Variants in SLC22A8 observed in about 807,000 individuals in gnomAD.
The protein encoded by SLC22A8 is solute carrier family 22 member 8, also known as organic anion transporter 3.
In SLC22A8, 40 loss-of-function variants were observed where a neutral mutation model predicts 48.4. The ratio of observed to expected loss-of-function variants is 0.83; its 90% CI spans 0.64 to 1.08. The LOEUF is 1.08. Among genes scored for constraint, SLC22A8 ranks in the 50% least tolerant of loss-of-function variants. The pLI, the probability that SLC22A8 is intolerant of heterozygous loss-of-function variation, is 0.00. For synonymous variants in SLC22A8, 268 were observed against 286.3 expected (o/e 0.94, Z 0.65); for missense variants, 606 against 699.0 (o/e 0.87, Z 1.50).
intron 2 of SLC22A8, among the ~76,000 whole-genome samples, chr11:63,008,210 C>T (rs1051572229): frequency 1.3e-5 from 2 of 152,156 alleles, no homozygotes; most frequent in African/African-American, 2.4e-5. Context: ...GAGCATGAGG[C>T]AGAAAGTGGG....
chr11:62,998,138 G>C (rs2135122862), intron 5 of SLC22A8, among the ~76,000 whole-genome samples: 1 of 152,250 alleles, frequency 6.6e-6, no homozygotes, highest in East Asian at 1.9e-4. Flanking sequence ...TTTTAGTAGA[G>C]ATGGGGTTTC....
chr11:63,010,988 T>C (rs549517439), intron 2 of SLC22A8, among the ~76,000 whole-genome samples: 1 of 152,202 alleles, frequency 6.6e-6, no homozygotes, highest in African/African-American at 2.4e-5. Context: ...TCAGTGTTGA[T>C]TGAGCACTTG....
At chr11:62,998,861 G>T in intron 5 of SLC22A8, 60 bp downstream of exon 5, 1 of 1,491,986 alleles carries the variant, frequency 6.7e-7, no homozygotes, top group Middle Eastern at 1.8e-4. Context: ...GCAGGTATGG[G>T]CTCCCCTGTT....
chr11:63,004,631 AG>A (rs1285151651), intron 2 of SLC22A8, among the ~76,000 whole-genome samples: 1 of 152,222 alleles, frequency 6.6e-6, no homozygotes, highest in African/African-American at 2.4e-5. Flanking sequence ...TTTTCTCAGT[AG>A]TGCTTATACC....
At chr11:62,998,666 C>T (rs902621363) in intron 5 of SLC22A8, among the ~76,000 whole-genome samples, 2 of 152,208 alleles carry the variant, frequency 1.3e-5, no homozygotes, top group Non-Finnish European at 2.9e-5. Flanking sequence ...CTCTCCCAGC[C>T]AGTCTCCATC....
At chr11:62,995,978 A>G (rs201917379) in intron 6 of SLC22A8, 51 bp downstream of exon 6, 73 of 1,613,288 alleles carry the variant, frequency 4.5e-5, no homozygotes, top group Non-Finnish European at 5.9e-5. Flanking sequence ...GGGCCAGCCC[A>G]AGAGTGGAGC....
rs187776950 is a variant in SLC22A8 at position 62,999,225 on chromosome 11, G to A, written c.593-136C>T. The A allele has an allele frequency of 1.1e-5, 8 of 720,262 alleles. No homozygotes were observed. In the Admixed American group the frequency reaches 1.7e-4, roughly 16 times the overall value. 44.6% of individuals were successfully genotyped at this position (720,262 alleles called of 1,614,324 possible). On this transcript the variant is annotated intron_variant, in intron 4 of 10. Transcript: ENST00000336232. ...ATGCTGTTGATATCGCCCTCCGTTG[G>A]GTCTTCCTGCTGTTCTGATGCTGAC... is the stretch of plus-strand genomic sequence containing the variant.
chr11:63,015,048 C>G, intron 1 of SLC22A8, 65 bp from the exon 2 acceptor site: 1 of 1,113,646 alleles, frequency 9.0e-7, no homozygotes, highest in African/African-American at 1.6e-5. Context: ...GTCTATGGAA[C>G]GATATGTGGG....
rs368590495 is a variant in SLC22A8 at position 62,994,587 on chromosome 11, G to A, written c.1171C>T (p.Leu391Phe). ...GRHTTQAAAL[L>F]LAGGAILALT... ...GCCAAGATGGCCCCTCCTGCCAGGA[G>A]CAGGGCAGCGGCCTGAGTGGTATGC... The change falls in exon 8 of 11, where the codon CTC becomes TTC. Residue 391 changes from leucine to phenylalanine, a missense_variant. By Grantham distance (22) the Leu-to-Phe change is conservative. Coordinates refer to ENST00000336232, the MANE Select transcript of SLC22A8 (RefSeq NM_004254.4). 11 of 1,613,564 alleles carry A rather than the reference G, an allele frequency of 6.8e-6. No homozygotes were observed. In the African/African-American group the frequency reaches 9.3e-5, roughly 14 times the overall value.
Position 62,999,101 on chromosome 11 carries a change from G to C in SLC22A8, c.593-12C>G. On this transcript the variant is annotated splice_polypyrimidine_tract_variant and intron_variant, in intron 4 of 10. Coordinates refer to ENST00000336232, the MANE Select transcript of SLC22A8 (RefSeq NM_004254.4). ...CACCCATTCCACATCTGTGGGAGGA[G>C]TCCAAGCACCAGATTAGTGTTCTGC... is the stretch of plus-strand genomic sequence containing the variant. 1 of 1,607,966 alleles carries C rather than the reference G, an allele frequency of 6.2e-7. No homozygotes were observed. The highest frequency in any genetic ancestry group is 8.5e-7 in the Non-Finnish European group (1 of 1,175,214).
chr11:62,993,257 G>T lies in SLC22A8; in HGVS notation c.1609C>A (p.Pro537Thr), dbSNP rs140932610. The change falls in exon 11 of 11, where the codon CCA (proline) becomes ACA (threonine). Residue 537 changes from proline to threonine, a missense_variant. Transcript: ENST00000336232. ...TGTCCTCAGCTGGAGCCCAGGCCTG[G>T]TCCGTGAGGCTGTAGAGGGATCCTC... is the stretch of plus-strand genomic sequence containing the variant. Reference protein sequence around the residue: ...SQRIPLQPHGPGLGSS With the variant: ...SQRIPLQPHGTGLGSS The T allele has an allele frequency of 1.9e-5, 30 of 1,612,638 alleles. No homozygotes were observed. Among genetic ancestry groups the T allele is most frequent in the Non-Finnish European group, 4.2e-6 (5 of 1,179,818 alleles).
In SLC22A8 at chr11:62,995,696, G is replaced by A. The variant is rs777696508; in HGVS notation, c.1001+8C>T. 1 of 1,605,112 alleles carries A rather than the reference G, an allele frequency of 6.2e-7. No homozygotes were observed. The highest frequency in any genetic ancestry group is 1.7e-5 in the Admixed American group (1 of 59,998). On this transcript the variant is annotated splice_region_variant and intron_variant, in intron 7 of 10. Transcript: ENST00000336232. ...TTGGCAGGGTGTGGGCAGGGAGAGGGGGGTTACCAGGCCAGGGAAAGACAG... is the reference window on the plus strand; with the variant it reads ...TTGGCAGGGTGTGGGCAGGGAGAGGAGGGTTACCAGGCCAGGGAAAGACAG...
chr11:62,999,178 GC>G, intron 4 of SLC22A8, 89 bp from the exon 5 acceptor site: 2 of 1,144,448 alleles, frequency 1.7e-6, no homozygotes, highest in Non-Finnish European at 2.6e-6. Flanking sequence ...CATCCCCACG[GC>G]TACTGACATC....
chr11:63,000,392 G>C (rs1341934276), intron 3 of SLC22A8, among the ~76,000 whole-genome samples: 2 of 151,688 alleles, frequency 1.3e-5, no homozygotes, highest in East Asian at 3.9e-4. Flanking sequence ...GCTGAGGCAG[G>C]AGAATCACTT....
At chr11:62,993,358 A>G in intron 10 of SLC22A8, 22 bp from the exon 11 acceptor site, 3 of 1,613,726 alleles carry the variant, frequency 1.9e-6, no homozygotes, top group Non-Finnish European at 1.7e-6. Context: ...GAGCTAAGGA[A>G]AAGCCCTGGG....
intron 8 of SLC22A8, 45 bp from the exon 9 acceptor site, chr11:62,993,923 C>T: frequency 8.4e-7 from 1 of 1,192,416 alleles, no homozygotes; most frequent in South Asian, 1.2e-5. Flanking sequence ...TTCAGGAGCA[C>T]CTAAGAGTTC....
At chr11:62,995,868 C>A (rs2086412088) in intron 6 of SLC22A8, 49 bp from the exon 7 acceptor site, 1 of 1,529,486 alleles carries the variant, frequency 6.5e-7, no homozygotes, top group East Asian at 2.3e-5. Context: ...AGCTAGTGGG[C>A]AGGACGAAGA....
rs998203193 is a variant in SLC22A8 at position 62,994,786 on chromosome 11, C to G, written c.1002-30G>C. 1.9e-6 allele frequency: 3 copies of G among 1,583,916 alleles called. No individual in the cohort carries two copies. The Admixed American group carries it at 5.0e-5, about 26-fold the overall frequency. On this transcript the variant is annotated intron_variant, in intron 7 of 10. Coordinates refer to ENST00000336232, the MANE Select transcript of SLC22A8 (RefSeq NM_004254.4). ...GAGGCAGAGAAGGATTGGTTAGCACCTGCAGCCAGGCAGAGGCCACTCCCC... is the reference window on the plus strand; with the variant it reads ...GAGGCAGAGAAGGATTGGTTAGCACGTGCAGCCAGGCAGAGGCCACTCCCC...
chr11:63,012,756 T>C (rs754601681), intron 2 of SLC22A8, among the ~76,000 whole-genome samples: 33 of 152,252 alleles, frequency 2.2e-4, no homozygotes, highest in Non-Finnish European at 3.7e-4. Flanking sequence ...AAACTGCCCA[T>C]GATCCTTGAG....
Sources: gnomAD v4.1 joint callset for allele counts (sites outside exome capture counted in the v4.1 genomes callset) on GRCh38, gnomAD v4.1.1 for gene constraint, MANE v1.5 for transcripts, NCBI Gene and HGNC (gene_info 2026-07-23, HGNC 2026-07-21) for gene names.